JAKMIP2: variants seen among roughly 807,000 people sequenced by gnomAD.
JAKMIP2 encodes the protein janus kinase and microtubule interacting protein 2, also known as janus kinase and microtubule-interacting protein 2.
Under a neutral mutation model 115.0 loss-of-function variants are expected in JAKMIP2, and 25 were observed. That is an observed-to-expected ratio of 0.22 (90% CI 0.16 to 0.30). JAKMIP2 has a LOEUF of 0.30. Among genes scored for constraint, JAKMIP2 ranks in the 10% least tolerant of loss-of-function variants. The probability of loss-of-function intolerance (pLI) is 1.00; values close to 1 mark genes in which losing one functional copy is unlikely to be tolerated. For synonymous variants in JAKMIP2, 334 were observed against 343.6 expected, an observed-to-expected ratio of 0.97 and a Z score of 0.31; for missense variants, 642 against 957.6, an observed-to-expected ratio of 0.67 and a Z score of 4.35.
At chr5:147,744,007 C>CTTCCT (rs986326034) in intron 1 of JAKMIP2, among the ~76,000 whole-genome samples, 1 of 72,120 alleles carries the variant, frequency 1.4e-5, no homozygotes. Flanking sequence ...TCTTTCCTTC[C>CTTCCT]TTCCTTCCTT....
intron 20 of JAKMIP2, among the ~76,000 whole-genome samples, chr5:147,604,380 G>A (rs1404121123): frequency 6.6e-6 from 1 of 152,110 alleles, no homozygotes; most frequent in Non-Finnish European, 1.5e-5. Flanking sequence ...TGGAACCCAT[G>A]GGAAGAAGAA....
chr5:147,679,088 C>T (rs1357746193), intron 1 of JAKMIP2, among the ~76,000 whole-genome samples: 2 of 151,998 alleles, frequency 1.3e-5, no homozygotes, highest in East Asian at 1.9e-4. Context: ...TCAAATAATT[C>T]TCACGCCTCA....
chr5:147,776,179 C>T (rs1346654520), intron 1 of JAKMIP2, among the ~76,000 whole-genome samples: 1 of 152,164 alleles, frequency 6.6e-6, no homozygotes, highest in East Asian at 1.9e-4. Flanking sequence ...AGCAAAACTA[C>T]ATCTTGGTGA....
chr5:147,758,007 T>C (rs942547224), intron 1 of JAKMIP2, among the ~76,000 whole-genome samples: 5 of 152,182 alleles, frequency 3.3e-5, no homozygotes, highest in African/African-American at 1.2e-4. Context: ...GCATAAGCTG[T>C]ATCATGTGCT....
At chr5:147,725,564 C>G (rs953896277) in intron 1 of JAKMIP2, among the ~76,000 whole-genome samples, 4 of 152,056 alleles carry the variant, frequency 2.6e-5, no homozygotes, top group Admixed American at 2.6e-4. Flanking sequence ...ACTGCAGAAC[C>G]AATTGGCTGA....
intron 1 of JAKMIP2, among the ~76,000 whole-genome samples, chr5:147,700,712 A>G (rs573801671): frequency 8.5e-5 from 13 of 152,304 alleles, no homozygotes; most frequent in African/African-American, 2.4e-4. Context: ...GGAATTAGCA[A>G]TCTCTGAGGG....
intron 1 of JAKMIP2, among the ~76,000 whole-genome samples, chr5:147,717,453 C>T (rs1248603955): frequency 3.0e-5 from 4 of 133,506 alleles, no homozygotes; most frequent in African/African-American, 8.5e-5. Flanking sequence ...GCCATTTTCA[C>T]GATATTGATT....
At position 147,591,433 on chromosome 5, in the gene JAKMIP2, ATAG is replaced by A; in HGVS notation, c.*271_*273del. 3 of 501,700 alleles carry A rather than the reference ATAG, an allele frequency of 6.0e-6. No homozygotes were observed. In the South Asian group the frequency reaches 8.7e-5, roughly 15 times the overall value. 31.1% of individuals were successfully genotyped at this position (501,700 alleles called of 1,614,324 possible). Reference sequence around the variant, plus strand: ...CTTTTTCTTTACACAATATATGTTTATAGTTCTTCTCTTCTGATTTGACATATA... The same window carrying A: ...CTTTTTCTTTACACAATATATGTTTATTCTTCTCTTCTGATTTGACATATA... On this transcript the variant is annotated 3_prime_UTR_variant, in exon 22 of 22. Coordinates refer to ENST00000616793, the MANE Select transcript of JAKMIP2 (RefSeq NM_001270941.2).
At chr5:147,724,592 G>A (rs758569341) in intron 1 of JAKMIP2, among the ~76,000 whole-genome samples, 7 of 152,136 alleles carry the variant, frequency 4.6e-5, no homozygotes, top group Non-Finnish European at 8.8e-5. Context: ...CTGGTTCAAA[G>A]TGACTCACTA....
At chr5:147,660,458 G>T (rs1013558940) in intron 3 of JAKMIP2, 5 of 454,276 alleles carry the variant, frequency 1.1e-5, no homozygotes, top group African/African-American at 1.0e-4. Context: ...TTCAGTCATG[G>T]TTTCTGGAAG....
intron 2 of JAKMIP2, among the ~76,000 whole-genome samples, chr5:147,665,911 G>C (rs1004325280): frequency 2.0e-5 from 3 of 152,138 alleles, no homozygotes; most frequent in South Asian, 2.1e-4. Context: ...GCTTTTGCCT[G>C]AGAACTGAAG....
At chr5:147,616,980 C>T (rs1756618797) in intron 19 of JAKMIP2, among the ~76,000 whole-genome samples, 1 of 152,100 alleles carries the variant, frequency 6.6e-6, no homozygotes, top group Non-Finnish European at 1.5e-5. Flanking sequence ...CTATTCATAC[C>T]ATCTGAATTT....
At chr5:147,663,793 C>G (rs1393779943) in intron 2 of JAKMIP2, among the ~76,000 whole-genome samples, 2 of 152,110 alleles carry the variant, frequency 1.3e-5, no homozygotes, top group Non-Finnish European at 2.9e-5. Flanking sequence ...GTGAAATAAG[C>G]AGCCAGATAT....
chr5:147,608,525 T>C (rs1756147535), intron 20 of JAKMIP2, among the ~76,000 whole-genome samples: 1 of 152,264 alleles, frequency 6.6e-6, no homozygotes. Flanking sequence ...TTGATTGCAC[T>C]GTGGTCTGAG....
chr5:147,687,824 A>G (rs188523295), intron 1 of JAKMIP2, among the ~76,000 whole-genome samples: 1 of 152,330 alleles, frequency 6.6e-6, no homozygotes, highest in East Asian at 1.9e-4. Flanking sequence ...ACCACTGTAC[A>G]TGTATTAACT....
At chr5:147,677,139 C>G (rs1442869296) in intron 1 of JAKMIP2, among the ~76,000 whole-genome samples, 1 of 152,130 alleles carries the variant, frequency 6.6e-6, no homozygotes, top group African/African-American at 2.4e-5. Context: ...CCTCATCTTT[C>G]AAATGGGGTT....
chr5:147,721,413 C>G (rs1277568898), intron 1 of JAKMIP2, among the ~76,000 whole-genome samples: 1 of 152,238 alleles, frequency 6.6e-6, no homozygotes, highest in Non-Finnish European at 1.5e-5. Context: ...TTTACCTCAG[C>G]AAGCCTGGGC....
intron 11 of JAKMIP2, 39 bp downstream of exon 11, chr5:147,636,926 T>A (rs775242171): frequency 1.1e-6 from 1 of 871,958 alleles, no homozygotes; most frequent in South Asian, 1.3e-5. Flanking sequence ...CAGATTGAAT[T>A]GTCTGCATCT....
chr5:147,692,257 G>C (rs1751894709), intron 1 of JAKMIP2, among the ~76,000 whole-genome samples: 1 of 152,176 alleles, frequency 6.6e-6, no homozygotes, highest in Non-Finnish European at 1.5e-5. Flanking sequence ...AAACATCAAG[G>C]AATGCCAGTG....
Sources: allele counts gnomAD v4.1 joint callset (sites outside exome capture counted in the v4.1 genomes callset), GRCh38; gene constraint gnomAD v4.1.1; transcripts MANE v1.5; gene names NCBI Gene and HGNC (gene_info 2026-07-23, HGNC 2026-07-21).